CFAP47: variants seen among roughly 807,000 people sequenced by gnomAD.
CFAP47 encodes cilia- and flagella-associated protein 47.
In CFAP47, 29 loss-of-function variants were observed where a neutral mutation model predicts 148.1. The ratio of observed to expected loss-of-function variants is 0.20; its 90% confidence interval spans 0.15 to 0.27. The LOEUF (loss-of-function observed/expected upper bound fraction) is 0.27. Ranked by LOEUF, CFAP47 falls within the 10% of genes least tolerant of loss-of-function variation. The pLI is 1.00. For synonymous variants in CFAP47, 664 were observed against 577.3 expected (o/e 1.15, Z -2.15); for missense variants, 1,872 against 1,697.5 (o/e 1.10, Z -1.81).
At chrX:36,290,598 A>C (rs1293159531) in intron 51 of CFAP47, among the ~76,000 whole-genome samples, 2 of 112,038 alleles carry the variant, frequency 1.8e-5, no homozygotes, top group African/African-American at 6.5e-5. Flanking sequence ...CTTAGAGGGC[A>C]TCCTGACTCC....
chrX:36,237,614 G>A (rs1488301860), intron 48 of CFAP47, among the ~76,000 whole-genome samples: 2 of 112,273 alleles, frequency 1.8e-5, no homozygotes, highest in Non-Finnish European at 3.8e-5. Flanking sequence ...ACAGGCATGA[G>A]CCACTGCGCC....
intron 8 of CFAP47, 88 bp from the exon 9 acceptor site, chrX:35,966,477 A>G (rs1936408626): frequency 1.6e-6 from 1 of 615,075 alleles, no homozygotes; most frequent in African/African-American, 2.4e-5. Context: ...TTTCCTTGAA[A>G]TTTTATTAAC....
At chrX:36,050,967 C>T (rs1213817536) in intron 26 of CFAP47, among the ~76,000 whole-genome samples, 18 of 112,500 alleles carry the variant, frequency 1.6e-4, no homozygotes, top group Non-Finnish European at 3.0e-4. Flanking sequence ...CAAGCCTTGG[C>T]AGCTTCCATG....
intron 33 of CFAP47, among the ~76,000 whole-genome samples, chrX:36,107,636 T>C (rs1431891003): frequency 1.8e-5 from 2 of 112,076 alleles, no homozygotes; most frequent in African/African-American, 6.5e-5. Flanking sequence ...CTTGAGGATA[T>C]AATTAACCTA....
chrX:36,133,855 C>T lies in CFAP47; in HGVS notation c.5321-4103C>T, dbSNP rs2054194261. Among the ~76,000 whole-genome samples, 4 of 104,135 alleles carry T rather than the reference C, an allele frequency of 3.8e-5. No homozygotes were observed. In the Admixed American group the frequency reaches 4.1e-4, roughly 11 times the overall value. The allele number at this position is 104,135 out of a possible 115,157, so 90.4% of individuals were successfully genotyped here. On this transcript the variant is annotated intron_variant, in intron 33 of 63. Transcript: ENST00000378653. ...AAGGAAAAAAAAGAAAATAACAAAC[C>T]ACCTCTTGCCCCGAGAAAGGGGCTG...
chrX:36,244,082 TTTC>T, intron 48 of CFAP47, among the ~76,000 whole-genome samples: 1 of 111,114 alleles, frequency 9.0e-6, no homozygotes, highest in East Asian at 2.8e-4. Context: ...ATCAAGAAGA[TTTC>T]TCAAAACCAC....
intron 60 of CFAP47, among the ~76,000 whole-genome samples, chrX:36,359,648 T>C (rs1941811616): frequency 8.9e-6 from 1 of 111,989 alleles, no homozygotes; most frequent in Admixed American, 9.5e-5. Context: ...GAACACCCTT[T>C]CATTTCAGCT....
chrX:35,994,851 C>A (rs1453442419), intron 18 of CFAP47, among the ~76,000 whole-genome samples: 4 of 111,287 alleles, frequency 3.6e-5, no homozygotes, highest in African/African-American at 1.3e-4. Context: ...ATGCACTAAT[C>A]TCTTGTAAAT....
At chrX:35,928,567 A>G (rs1412473945) in intron 2 of CFAP47, among the ~76,000 whole-genome samples, 1 of 110,931 alleles carries the variant, frequency 9.0e-6, no homozygotes, top group African/African-American at 3.3e-5. Flanking sequence ...TTTGATGGTT[A>G]TGTGGCTTGC....
At chrX:36,282,725 T>C in intron 50 of CFAP47, among the ~76,000 whole-genome samples, 1 of 112,033 alleles carries the variant, frequency 8.9e-6, no homozygotes, top group East Asian at 2.8e-4. Context: ...TGAAAGATAA[T>C]GGTAATACCC....
intron 59 of CFAP47, 83 bp from the exon 60 acceptor site, chrX:36,353,446 A>G (rs1941759490): frequency 6.8e-6 from 6 of 887,961 alleles, no homozygotes; most frequent in Non-Finnish European, 9.4e-6. Context: ...TTTTATTTTT[A>G]TGACATAGTT....
intron 2 of CFAP47, among the ~76,000 whole-genome samples, chrX:35,939,992 T>G (rs1331192541): frequency 4.5e-5 from 5 of 109,950 alleles, no homozygotes; most frequent in African/African-American, 1.7e-4. Flanking sequence ...CCATTCTAAC[T>G]GGTGTGAGAT....
At chrX:36,019,555 C>T (rs1294789475) in intron 22 of CFAP47, among the ~76,000 whole-genome samples, 2 of 111,823 alleles carry the variant, frequency 1.8e-5, no homozygotes, top group Non-Finnish European at 3.8e-5. Context: ...CAATGTGAAG[C>T]TATGCAAACT....
rs749249913 is a variant in CFAP47 at position 36,097,597 on chromosome X, A to C, written c.4917-1196A>C. 2.7e-5 allele frequency among the ~76,000 whole-genome samples: 3 copies of C among 110,982 alleles called. No individual in the cohort carries two copies. In the South Asian group the frequency reaches 1.1e-3, roughly 42 times the overall value. On this transcript the variant is annotated intron_variant, in intron 30 of 63. Transcript: ENST00000378653. ...CTCTCTCCTGGCCTGTAATGTTTCC[A>C]CTAAAAAGTCTACTGTCAGACATAT...
intron 51 of CFAP47, 129 bp downstream of exon 51, chrX:36,285,855 A>G (rs185321475): frequency 4.3e-6 from 2 of 467,402 alleles, no homozygotes; most frequent in Middle Eastern, 3.8e-4. Context: ...AAATTAGTCA[A>G]TCATAGCAAT....
intron 29 of CFAP47, among the ~76,000 whole-genome samples, chrX:36,084,447 T>A (rs1451753166): frequency 1.8e-5 from 2 of 111,524 alleles, no homozygotes; most frequent in African/African-American, 6.5e-5. Flanking sequence ...GAGCCATATT[T>A]TGAGCAGTGG....
At position 36,133,798 on chromosome X, in the gene CFAP47, T is replaced by TAA. The variant is rs568711243; in HGVS notation, c.5321-4149_5321-4148dup. On this transcript the variant is annotated intron_variant, in intron 33 of 63. Transcript: ENST00000378653. ...GCTCTGGTGAATACTCATTGCAGTT[T>TAA]AAAAAAAAAAAAGAAAAGAAAAAGA... Among the ~76,000 whole-genome samples, 722 of 89,598 alleles carry TAA rather than the reference T, an allele frequency of 8.1e-3. 7 individuals carry two copies. Among genetic ancestry groups the TAA allele is most frequent in the African/African-American group, 0.021 (527 of 24,895 alleles). The allele number at this position is 89,598 out of a possible 115,157, so 77.8% of individuals were successfully genotyped here. A position where few individuals can be genotyped will look rare whatever the true frequency, so the allele number is the denominator to read the frequency against.
intron 60 of CFAP47, among the ~76,000 whole-genome samples, chrX:36,359,640 A>G (rs1400295324): frequency 6.3e-5 from 7 of 111,668 alleles, no homozygotes. Flanking sequence ...TTGCTTTTGA[A>G]CACCCTTTCA....
chrX:36,339,489 T>G (rs1320953761), intron 57 of CFAP47, among the ~76,000 whole-genome samples: 1 of 112,094 alleles, frequency 8.9e-6, no homozygotes, highest in Admixed American at 9.5e-5. Context: ...TTTTAAATCT[T>G]AGGTGTTTTT....
Sources: allele counts gnomAD v4.1 joint callset (sites outside exome capture counted in the v4.1 genomes callset), GRCh38; gene constraint gnomAD v4.1.1; transcripts MANE v1.5; gene names NCBI Gene and HGNC (gene_info 2026-07-23, HGNC 2026-07-21).